BTAF1: variants seen among roughly 807,000 people sequenced by gnomAD.
BTAF1 encodes B-TFIID TATA-box binding protein associated factor 1, also known as TATA-binding protein-associated factor 172.
A neutral mutation model predicts 227.1 loss-of-function variants in BTAF1; 38 were observed. The observed-to-expected ratio is 0.17, with a 90% CI of 0.13 to 0.22. The LOEUF (loss-of-function observed/expected upper bound fraction) is 0.22, where lower values mean the gene tolerates loss of function less well. Among genes scored for constraint, BTAF1 ranks in the 10% least tolerant of loss-of-function variants. The pLI, the probability that BTAF1 is intolerant of heterozygous loss-of-function variation, is 1.00. For synonymous variants in BTAF1, 742 were observed against 751.9 expected, an observed-to-expected ratio of 0.99 and a Z score of 0.21; for missense variants, 1,598 against 2,204.0, an observed-to-expected ratio of 0.73 and a Z score of 5.51.
rs1225751826 is a variant in BTAF1 at position 91,959,062 on chromosome 10, C to G, written c.901-3C>G. On this transcript the variant is annotated splice_region_variant and splice_polypyrimidine_tract_variant and intron_variant, in intron 8 of 37. Coordinates refer to ENST00000265990, the MANE Select transcript of BTAF1 (RefSeq NM_003972.3). ...CTGACATTTGCTTCTTTGTTCTTTT[C>G]AGGTTCGACATGGTGCAGGCACTGG... The G allele has an allele frequency of 6.8e-6, 11 of 1,612,510 alleles. No individual in the cohort carries two copies. Among genetic ancestry groups the G allele is most frequent in the Middle Eastern group, 3.3e-4 (2 of 6,078 alleles).
In BTAF1 at chr10:91,960,104, G is replaced by A; in HGVS notation, c.1213G>A (p.Val405Ile). 1 of 1,613,866 alleles carries A rather than the reference G, an allele frequency of 6.2e-7. No homozygotes were observed. Among genetic ancestry groups the A allele is most frequent in the East Asian group, 2.2e-5 (1 of 44,856 alleles). ...ATTACTTACACAAGAACAATGGGAA[G>A]TTAGACATGGTGGTCTGCTGGGAAT... Reference protein sequence around the residue: ...LKLLTQEQWEVRHGGLLGIKY... With the variant: ...LKLLTQEQWEIRHGGLLGIKY... Residue 405 changes from valine to isoleucine, a missense_variant, in exon 11 of 38, where the codon GTT (valine) becomes ATT (isoleucine). Transcript: ENST00000265990.
chr10:91,929,327 G>A (rs1036336484), intron 1 of BTAF1, among the ~76,000 whole-genome samples: 1 of 152,194 alleles, frequency 6.6e-6, no homozygotes, highest in African/African-American at 2.4e-5. Flanking sequence ...GATCTGTGCT[G>A]TAAAGGTCAT....
At chr10:91,957,187 C>A (rs1186156151) in intron 7 of BTAF1, 38 bp from the exon 8 acceptor site, 1 of 1,510,548 alleles carries the variant, frequency 6.6e-7, no homozygotes, top group Non-Finnish European at 9.2e-7. Context: ...ATAAAATAGA[C>A]CTTTTGAACT....
chr10:91,946,853 T>C (rs940853941), intron 4 of BTAF1, among the ~76,000 whole-genome samples: 1 of 152,058 alleles, frequency 6.6e-6, no homozygotes. Context: ...TTCTTTTTTT[T>C]TTTTGAGACA....
At chr10:91,956,754 T>G in intron 7 of BTAF1, 97 bp downstream of exon 7, 1 of 1,340,694 alleles carries the variant, frequency 7.5e-7, no homozygotes, top group South Asian at 1.3e-5. Context: ...CTTTGGGAGG[T>G]CGAGGCGGGC....
intron 14 of BTAF1, among the ~76,000 whole-genome samples, chr10:91,970,733 C>T (rs1435906651): frequency 2.6e-5 from 4 of 152,120 alleles, no homozygotes; most frequent in Non-Finnish European, 5.9e-5. Context: ...AGTATGGTTG[C>T]TATAAGACTA....
At chr10:91,955,695 G>A (rs1305849030) in intron 6 of BTAF1, among the ~76,000 whole-genome samples, 3 of 152,058 alleles carry the variant, frequency 2.0e-5, no homozygotes, top group Non-Finnish European at 4.4e-5. Flanking sequence ...CAAATAGAGG[G>A]AATTACAAGG....
chr10:91,932,307 C>T (rs970181089), intron 1 of BTAF1, among the ~76,000 whole-genome samples: 2 of 152,138 alleles, frequency 1.3e-5, no homozygotes, highest in African/African-American at 4.8e-5. Context: ...TGAAGTACTG[C>T]TGTGCTGATC....
chr10:91,944,606 T>G (rs1417285522), intron 4 of BTAF1, among the ~76,000 whole-genome samples: 3 of 152,242 alleles, frequency 2.0e-5, no homozygotes, highest in African/African-American at 7.2e-5. Context: ...AAGTATACAA[T>G]TCAGTGGTTT....
chr10:92,008,366 C>T (rs1280157644), intron 26 of BTAF1, 91 bp downstream of exon 26: 9 of 1,258,410 alleles, frequency 7.2e-6, no homozygotes, highest in Non-Finnish European at 8.6e-6. Flanking sequence ...TTTTTTGAGA[C>T]AGAGTCTTGC....
chr10:91,953,722 C>A lies in BTAF1; in HGVS notation c.565-15C>A, dbSNP rs773800204. On this transcript the variant is annotated splice_polypyrimidine_tract_variant and intron_variant, in intron 5 of 37. Transcript: ENST00000265990. ...ATTTCAAAAGTTCCAACTCAGCATT[C>A]TTTTATTCTTTTAGACTCTTCAGGC... 6.2e-7 allele frequency: 1 copy of A among 1,607,552 alleles called. No homozygotes were observed.
At chr10:91,925,756 G>A (rs1257320729) in intron 1 of BTAF1, among the ~76,000 whole-genome samples, 2 of 152,048 alleles carry the variant, frequency 1.3e-5, no homozygotes, top group Non-Finnish European at 2.9e-5. Context: ...GTGATCCGCC[G>A]GCCTTGGCCT....
chr10:91,934,484 A>G (rs993360160), intron 1 of BTAF1, among the ~76,000 whole-genome samples: 1 of 151,506 alleles, frequency 6.6e-6, no homozygotes, highest in Admixed American at 6.6e-5. Context: ...TGATCCTCCC[A>G]CCTCCACCTC....
Position 91,992,271 on chromosome 10 carries a change from G to A in BTAF1, c.3007G>A (p.Ala1003Thr), listed in dbSNP as rs202030014. ...AAAAGCTCAAATAGCAGATCTTCCT[G>A]CAGGAAGTAGTGGAAATATTCTTGT... ...AVKAQIADLPAGSSGNILVEL... is the reference protein window; with the variant it reads ...AVKAQIADLPTGSSGNILVEL... Residue 1003 changes from alanine (A) to threonine (T), a missense_variant, in exon 21 of 38, where the codon GCA becomes ACA. Physicochemically the swap from Ala to Thr is moderately conservative, Grantham distance 58. Coordinates refer to ENST00000265990, the MANE Select transcript of BTAF1 (RefSeq NM_003972.3). 274 of 1,612,582 alleles carry A rather than the reference G, an allele frequency of 1.7e-4. No homozygotes were observed. Among genetic ancestry groups the A allele is most frequent in the Middle Eastern group, 1.7e-4 (1 of 6,048 alleles).
chr10:91,974,794 A>G (rs1589851103), intron 14 of BTAF1, among the ~76,000 whole-genome samples: 2 of 152,138 alleles, frequency 1.3e-5, no homozygotes, highest in South Asian at 2.1e-4. Flanking sequence ...AGAGGTTGCA[A>G]TGAGCCGAGA....
chr10:92,012,444 A>G (rs188791966), intron 30 of BTAF1, among the ~76,000 whole-genome samples: 2 of 147,590 alleles, frequency 1.4e-5, no homozygotes, highest in East Asian at 4.1e-4. Flanking sequence ...ACCGCAAGAG[A>G]TAATTACAAG....
At chr10:91,934,986 T>C (rs1394683390) in intron 1 of BTAF1, among the ~76,000 whole-genome samples, 1 of 152,184 alleles carries the variant, frequency 6.6e-6, no homozygotes, top group Admixed American at 6.5e-5. Flanking sequence ...TTTCCTGCCA[T>C]GTATCTTATT....
At position 91,924,026 on chromosome 10, in the gene BTAF1, A is replaced by T. The variant is rs754075997; in HGVS notation, c.-51A>T. On this transcript the variant is annotated 5_prime_UTR_variant, in exon 1 of 38. Transcript: ENST00000265990. ...TCAGCTCTCTGGAAACTAGCGCCTC[A>T]GCTGCGCGGCGCGTAGGTCGCGGGG... 14 of 1,593,936 alleles carry T rather than the reference A, an allele frequency of 8.8e-6. No individual in the cohort carries two copies. Among genetic ancestry groups the T allele is most frequent in the Non-Finnish European group, 1.2e-5 (14 of 1,172,966 alleles).
chr10:91,980,981 C>T (rs1009249126), intron 15 of BTAF1, among the ~76,000 whole-genome samples: 2 of 152,018 alleles, frequency 1.3e-5, no homozygotes, highest in Non-Finnish European at 1.5e-5. Flanking sequence ...GTGTTAGAAT[C>T]ATTAAAGGAG....
Sources: gnomAD v4.1 joint callset for allele counts (sites outside exome capture counted in the v4.1 genomes callset) on GRCh38, gnomAD v4.1.1 for gene constraint, MANE v1.5 for transcripts, NCBI Gene and HGNC (gene_info 2026-07-23, HGNC 2026-07-21) for gene names.